Variants in SMURF2 observed in about 807,000 individuals in gnomAD.
The protein encoded by SMURF2 is E3 ubiquitin-protein ligase SMURF2.
A neutral mutation model predicts 109.6 loss-of-function variants in SMURF2; 48 were observed. The ratio of observed to expected loss-of-function variants is 0.44; its 90% confidence interval spans 0.35 to 0.56. SMURF2 has a LOEUF of 0.56. SMURF2 is among the 20% of genes least tolerant of loss of function. SMURF2 has a pLI of 0.01. For missense variants in SMURF2, 575 were observed against 909.0 expected (o/e 0.63, Z 4.72); for synonymous variants, 288 against 317.1 (o/e 0.91, Z 0.97).
intron 1 of SMURF2, among the ~76,000 whole-genome samples, chr17:64,628,189 G>A (rs945574890): frequency 5.3e-5 from 8 of 152,164 alleles, no homozygotes; most frequent in South Asian, 2.1e-4. Context: ...GGTAGACATG[G>A]AGAGGAAATT....
intron 1 of SMURF2, among the ~76,000 whole-genome samples, chr17:64,655,106 AAT>A (rs2144738388): frequency 6.6e-6 from 1 of 152,226 alleles, no homozygotes; most frequent in South Asian, 2.1e-4. Flanking sequence ...ACAGGAAGAA[AAT>A]TATAAAGCTA....
chr17:64,592,044 A>G (rs1245871236), intron 4 of SMURF2, among the ~76,000 whole-genome samples: 1 of 152,234 alleles, frequency 6.6e-6, no homozygotes, highest in Non-Finnish European at 1.5e-5. Flanking sequence ...TTCCCTTTGC[A>G]AAATAAATGG....
At chr17:64,607,062 G>GT (rs1412359777) in intron 1 of SMURF2, among the ~76,000 whole-genome samples, 6 of 146,870 alleles carry the variant, frequency 4.1e-5, no homozygotes, top group African/African-American at 7.5e-5. Flanking sequence ...ATATAGATGA[G>GT]TTTTTTTTCT....
intron 1 of SMURF2, among the ~76,000 whole-genome samples, chr17:64,630,166 G>A (rs1197553508): frequency 6.6e-6 from 1 of 152,020 alleles, no homozygotes; most frequent in Admixed American, 6.6e-5. Context: ...AACCTGGGAG[G>A]CGGAGGTTGT....
At chr17:64,611,321 T>C (rs1970041533) in intron 1 of SMURF2, among the ~76,000 whole-genome samples, 2 of 152,128 alleles carry the variant, frequency 1.3e-5, no homozygotes, top group Non-Finnish European at 2.9e-5. Flanking sequence ...TTCCATATAT[T>C]CTCTCTGGTC....
intron 1 of SMURF2, among the ~76,000 whole-genome samples, chr17:64,650,578 C>T (rs1002481632): frequency 6.6e-6 from 1 of 152,130 alleles, no homozygotes; most frequent in African/African-American, 2.4e-5. Context: ...TGCCTGTAAT[C>T]CCAGCACTTT....
At chr17:64,631,062 G>A (rs1970332219) in intron 1 of SMURF2, among the ~76,000 whole-genome samples, 1 of 151,708 alleles carries the variant, frequency 6.6e-6, no homozygotes, top group Non-Finnish European at 1.5e-5. Context: ...AGCACTCTGG[G>A]AGGCCAACGC....
Position 64,546,254 on chromosome 17 carries a change from ATACCT to A in SMURF2, c.2147+4_2147+8del, listed in dbSNP as rs747130279. 5 of 1,613,688 alleles carry A rather than the reference ATACCT, an allele frequency of 3.1e-6. No individual in the cohort carries two copies. The highest frequency in any genetic ancestry group is 1.7e-4 in the Middle Eastern group (1 of 6,060). The stretch of plus-strand genomic sequence containing the variant: ...TGGAATGGGGAATACAGCTACAAAA[ATACCT>A]TACCAAGTGTGGGCTTTCGGCAGGT... On this transcript the variant is annotated splice_donor_5th_base_variant and intron_variant, in intron 18 of 18. Coordinates refer to ENST00000262435, the MANE Select transcript of SMURF2 (RefSeq NM_022739.4).
intron 1 of SMURF2, among the ~76,000 whole-genome samples, chr17:64,609,076 A>G (rs1555689303): frequency 6.6e-6 from 1 of 152,192 alleles, no homozygotes; most frequent in African/African-American, 2.4e-5. Flanking sequence ...GATGTGAAGG[A>G]CCTCTTCAAA....
chr17:64,631,950 C>G (rs1970353444), intron 1 of SMURF2, among the ~76,000 whole-genome samples: 1 of 63,392 alleles, frequency 1.6e-5, no homozygotes, highest in South Asian at 1.0e-3. Context: ...TTCTAAGACT[C>G]TCTTTTTTTG....
At chr17:64,619,501 A>AAG (rs1970173504) in intron 1 of SMURF2, among the ~76,000 whole-genome samples, 1 of 147,776 alleles carries the variant, frequency 6.8e-6, no homozygotes, top group African/African-American at 2.5e-5. Flanking sequence ...AAAAAAAAAA[A>AAG]AAGAAGAAGA....
intron 3 of SMURF2, among the ~76,000 whole-genome samples, chr17:64,596,294 T>C (rs1410029311): frequency 1.3e-5 from 2 of 152,130 alleles, no homozygotes; most frequent in Admixed American, 6.6e-5. Flanking sequence ...TGTTTCTTTT[T>C]ACTTATCTTA....
At chr17:64,638,587 T>G (rs1555692316) in intron 1 of SMURF2, among the ~76,000 whole-genome samples, 1 of 152,204 alleles carries the variant, frequency 6.6e-6, no homozygotes, top group East Asian at 1.9e-4. Flanking sequence ...AGGACTATGG[T>G]CAAACCTGGG....
chr17:64,570,032 GTAAGA>G (rs2144619076), intron 10 of SMURF2, among the ~76,000 whole-genome samples: 1 of 152,302 alleles, frequency 6.6e-6, no homozygotes, highest in Admixed American at 6.5e-5. Flanking sequence ...CTACAATAAA[GTAAGA>G]TCTGCTGACA....
intron 14 of SMURF2, 133 bp downstream of exon 14, chr17:64,555,687 T>C: frequency 1.9e-6 from 1 of 530,506 alleles, no homozygotes; most frequent in South Asian, 4.3e-5. Flanking sequence ...AAGGGGGAAA[T>C]CATATGCGAT....
intron 12 of SMURF2, among the ~76,000 whole-genome samples, chr17:64,560,011 C>T (rs1969189194): frequency 6.6e-6 from 1 of 151,706 alleles, no homozygotes; most frequent in Non-Finnish European, 1.5e-5. Context: ...CTCAGTCTCC[C>T]AAAGTGCTGG....
chr17:64,555,129 CCTAGTTCTTT>C, intron 14 of SMURF2, 136 bp from the exon 15 acceptor site: 2 of 793,322 alleles, frequency 2.5e-6, no homozygotes, highest in Non-Finnish European at 3.8e-6. Context: ...TTCCATACCA[CCTAGTTCTTT>C]CTGGACAGAA....
intron 2 of SMURF2, among the ~76,000 whole-genome samples, chr17:64,603,576 G>A (rs1331220760): frequency 5.1e-5 from 7 of 136,296 alleles, no homozygotes; most frequent in East Asian, 2.0e-4. Context: ...GCAAGACTCC[G>A]TCGGGGGAAA....
In SMURF2 at chr17:64,545,745, GGAGT is replaced by G; in HGVS notation, c.*99_*102del. 1 of 363,764 alleles carries G rather than the reference GGAGT, an allele frequency of 2.7e-6. No homozygotes were observed. The highest frequency in any genetic ancestry group is 3.9e-5 in the Admixed American group (1 of 25,810). 22.5% of individuals were successfully genotyped at this position (363,764 alleles called of 1,614,324 possible). A position where few individuals can be genotyped will look rare whatever the true frequency, so the allele number is the denominator to read the frequency against. ...AAAAAAAAAAAAAAGGGGGGGGGGGGGAGTGTTTTCCTGTATTTCAGCATATTCT... is the reference window on the plus strand; with the variant it reads ...AAAAAAAAAAAAAAGGGGGGGGGGGGGTTTTCCTGTATTTCAGCATATTCT... On this transcript the variant is annotated 3_prime_UTR_variant, in exon 19 of 19. Coordinates refer to ENST00000262435, the MANE Select transcript of SMURF2 (RefSeq NM_022739.4).
Sources: allele counts gnomAD v4.1 joint callset (sites outside exome capture counted in the v4.1 genomes callset), GRCh38; gene constraint gnomAD v4.1.1; transcripts MANE v1.5; gene names NCBI Gene and HGNC (gene_info 2026-07-23, HGNC 2026-07-21).